Variants in FAM168B observed in about 807,000 individuals in gnomAD.
FAM168B encodes family with sequence similarity 168 member B.
FAM168B carries 19 observed loss-of-function variants against 21.8 expected under a neutral mutation model. The ratio of observed to expected loss-of-function variants is 0.87; its 90% CI spans 0.61 to 1.28. FAM168B has a LOEUF of 1.28. Among genes scored for constraint, FAM168B ranks in the 50% most tolerant of loss-of-function variants. The probability of loss-of-function intolerance (pLI) is 0.00; values close to 1 mark genes in which losing one functional copy is unlikely to be tolerated. For missense variants in FAM168B, 233 were observed against 263.1 expected (o/e 0.89, Z 0.79); for synonymous variants, 126 against 104.8 (o/e 1.20, Z -1.24).
intron 2 of FAM168B, among the ~76,000 whole-genome samples, chr2:131,079,831 A>C (rs1693343109): frequency 6.6e-6 from 1 of 152,130 alleles, no homozygotes. Flanking sequence ...AAAAAAAAAA[A>C]TGTGGCTCGG....
intron 3 of FAM168B, among the ~76,000 whole-genome samples, chr2:131,062,262 A>C (rs1692340913): frequency 6.6e-6 from 1 of 152,186 alleles, no homozygotes; most frequent in Admixed American, 6.5e-5. Flanking sequence ...TCTCTCAGCC[A>C]CAAGTGCTCA....
rs1691707942 is a variant in FAM168B, at chr2:131,051,999, T to C, written c.*466A>G. On this transcript the variant is annotated 3_prime_UTR_variant, in exon 7 of 7. Coordinates refer to ENST00000389915, the MANE Select transcript of FAM168B (RefSeq NM_001009993.4). ...CATCTAAGATATTTCAGATGCTCTA[T>C]GAAGAAATTCACTTTAACACTTATA... 1.0e-6 allele frequency: 1 copy of C among 985,672 alleles called. No individual in the cohort carries two copies. The allele number at this position is 985,672 out of a possible 1,614,324, so 61.1% of individuals were successfully genotyped here. A position where few individuals can be genotyped will look rare whatever the true frequency, so the allele number is the denominator to read the frequency against.
At position 131,048,538 on chromosome 2, in the gene FAM168B, G is replaced by A. The variant is rs1691439180; in HGVS notation, c.*3927C>T. Reference sequence around the variant, plus strand: ...TTCTTCAAATAATGAGTAGGAAAAAGAGACAAACTTTCTGAAACATGCAGT... The same window carrying A: ...TTCTTCAAATAATGAGTAGGAAAAAAAGACAAACTTTCTGAAACATGCAGT... On this transcript the variant is annotated 3_prime_UTR_variant, in exon 7 of 7. Coordinates refer to ENST00000389915, the MANE Select transcript of FAM168B (RefSeq NM_001009993.4). 5.4e-6 allele frequency: 6 copies of A among 1,117,308 alleles called. No homozygotes were observed. The South Asian group carries it at 1.2e-4, about 22-fold the overall frequency. The allele number at this position is 1,117,308 out of a possible 1,614,324, so 69.2% of individuals were successfully genotyped here.
intron 2 of FAM168B, among the ~76,000 whole-genome samples, chr2:131,075,916 CAA>C (rs1693132397): frequency 6.6e-6 from 1 of 152,206 alleles, no homozygotes; most frequent in Non-Finnish European, 1.5e-5. Flanking sequence ...GTATGGGGAT[CAA>C]AGACTCCCAA....
At chr2:131,057,278 C>A (rs953153419) in intron 3 of FAM168B, among the ~76,000 whole-genome samples, 1 of 152,042 alleles carries the variant, frequency 6.6e-6, no homozygotes, top group Non-Finnish European at 1.5e-5. Flanking sequence ...GGAACTAATC[C>A]AAATCTTCAT....
intron 3 of FAM168B, among the ~76,000 whole-genome samples, chr2:131,059,149 C>T (rs911010304): frequency 2.9e-4 from 44 of 152,208 alleles, no homozygotes; most frequent in African/African-American, 8.9e-4. Flanking sequence ...GGGGCCATGC[C>T]CTGTCACAGC....
At chr2:131,066,300 C>T (rs1367860682) in intron 3 of FAM168B, among the ~76,000 whole-genome samples, 2 of 151,928 alleles carry the variant, frequency 1.3e-5, no homozygotes, top group African/African-American at 2.4e-5. Context: ...CTCAACCTCC[C>T]GAGTAGCTGG....
chr2:131,072,393 G>C lies in FAM168B; in HGVS notation c.71-455C>G, dbSNP rs192346134. ...CCCGCCTCGGCCTCCCAAAGTGCTG[G>C]GATTATAGGTGTGAGCCACCACGCC... On this transcript the variant is annotated intron_variant, in intron 2 of 6. Coordinates refer to ENST00000389915, the MANE Select transcript of FAM168B (RefSeq NM_001009993.4). Among the ~76,000 whole-genome samples, 905 of 152,128 alleles carry C rather than the reference G, an allele frequency of 5.9e-3. 10 individuals carry two copies. The highest frequency in any genetic ancestry group is 0.02 in the African/African-American group (836 of 41,502).
chr2:131,086,697 T>G (rs559763682), intron 1 of FAM168B, among the ~76,000 whole-genome samples: 2 of 152,346 alleles, frequency 1.3e-5, no homozygotes, highest in African/African-American at 4.8e-5. Context: ...GCCATCGTAT[T>G]GGACAGTGCA....
At chr2:131,075,643 C>G (rs564127264) in intron 2 of FAM168B, among the ~76,000 whole-genome samples, 3 of 151,992 alleles carry the variant, frequency 2.0e-5, no homozygotes, top group Non-Finnish European at 4.4e-5. Context: ...TACAGGGGCC[C>G]GTGCCCGGCT....
At chr2:131,084,374 TTTTTAAATAGAGATGAG>T (rs1329010309) in intron 1 of FAM168B, among the ~76,000 whole-genome samples, 2 of 151,624 alleles carry the variant, frequency 1.3e-5, no homozygotes, top group East Asian at 1.9e-4. Context: ...TATTTTTTTT[TTTTTAAATAGAGATGAG>T]GTTCCATCAT....
chr2:131,093,365 C>G lies in FAM168B; in HGVS notation c.-163G>C, dbSNP rs1694138165. Reference sequence around the variant, plus strand: ...CCCCGCGTCTCCGCCGCCTCCCGGACGCCGCGCTCCCGCTCGCTCGGCTCC... The same window carrying G: ...CCCCGCGTCTCCGCCGCCTCCCGGAGGCCGCGCTCCCGCTCGCTCGGCTCC... On this transcript the variant is annotated 5_prime_UTR_variant, in exon 1 of 7. Transcript: ENST00000389915. 1 of 150,746 alleles carries G rather than the reference C, an allele frequency of 6.6e-6. No individual in the cohort carries two copies. The highest frequency in any genetic ancestry group is 2.4e-5 in the African/African-American group (1 of 41,316). The allele number at this position is 150,746 out of a possible 1,614,324, so 9.3% of individuals were successfully genotyped here.
In FAM168B at chr2:131,055,145, T is replaced by C. The variant is rs112566983; in HGVS notation, c.475+127A>G. 3.3e-4 allele frequency: 312 copies of C among 944,942 alleles called. 3 individuals carry two copies. In the African/African-American group the frequency reaches 4.6e-3, roughly 14 times the overall value. The allele number at this position is 944,942 out of a possible 1,614,324, so 58.5% of individuals were successfully genotyped here. On this transcript the variant is annotated intron_variant, in intron 5 of 6. Coordinates refer to ENST00000389915, the MANE Select transcript of FAM168B (RefSeq NM_001009993.4). ...AACCTGCTGTTTCTTCCCCAAAGAA[T>C]TTTCTGTCCTTCCACACAACTACAG...
At position 131,049,888 on chromosome 2, in the gene FAM168B, G is replaced by A. The variant is rs990198715; in HGVS notation, c.*2577C>T. On this transcript the variant is annotated 3_prime_UTR_variant, in exon 7 of 7. Coordinates refer to ENST00000389915, the MANE Select transcript of FAM168B (RefSeq NM_001009993.4). The stretch of plus-strand genomic sequence containing the variant: ...AATTGACTTTAATTTTACTAGAAGC[G>A]AATGTTGATAAAATTACAACCTATG... 2.6e-5 allele frequency: 26 copies of A among 985,518 alleles called. No individual in the cohort carries two copies. Among genetic ancestry groups the A allele is most frequent in the Admixed American group, 1.8e-4 (3 of 16,270 alleles). The allele number at this position is 985,518 out of a possible 1,614,324, so 61.0% of individuals were successfully genotyped here. A position where few individuals can be genotyped will look rare whatever the true frequency, so the allele number is the denominator to read the frequency against.
At chr2:131,058,183 G>A (rs988348897) in intron 3 of FAM168B, among the ~76,000 whole-genome samples, 1 of 152,114 alleles carries the variant, frequency 6.6e-6, no homozygotes, top group African/African-American at 2.4e-5. Context: ...AGAATGATTG[G>A]CCCCCTGGGA....
Position 131,052,293 on chromosome 2 carries a change from A to T in FAM168B, c.*172T>A. 1.0e-6 allele frequency: 1 copy of T among 985,984 alleles called. No individual in the cohort carries two copies. Among genetic ancestry groups the T allele is most frequent in the Non-Finnish European group, 1.2e-6 (1 of 830,000 alleles). 61.1% of individuals were successfully genotyped at this position (985,984 alleles called of 1,614,324 possible). On this transcript the variant is annotated 3_prime_UTR_variant, in exon 7 of 7. Transcript: ENST00000389915. ...TGCTTTAAGACCAACCCACAGAGTC[A>T]GCTGGAGACTAACGGCGCTGGGGCC...
chr2:131,071,295 T>C (rs1372510034), intron 3 of FAM168B, among the ~76,000 whole-genome samples: 2 of 152,092 alleles, frequency 1.3e-5, no homozygotes, highest in Non-Finnish European at 2.9e-5. Context: ...AAGCCCCGTG[T>C]GGGTGAAAAA....
At chr2:131,059,990 T>C (rs957275469) in intron 3 of FAM168B, among the ~76,000 whole-genome samples, 1 of 151,836 alleles carries the variant, frequency 6.6e-6, no homozygotes. Flanking sequence ...TATATTCCCA[T>C]GTACTTGTGC....
intron 3 of FAM168B, among the ~76,000 whole-genome samples, chr2:131,061,785 A>G (rs1008316112): frequency 2.6e-5 from 4 of 151,124 alleles, no homozygotes; most frequent in Admixed American, 1.3e-4. Context: ...CTGTCTCGAA[A>G]AAAAAAAAAA....
Sources: gnomAD v4.1 joint callset for allele counts (sites outside exome capture counted in the v4.1 genomes callset) on GRCh38, gnomAD v4.1.1 for gene constraint, MANE v1.5 for transcripts, NCBI Gene and HGNC (gene_info 2026-07-23, HGNC 2026-07-21) for gene names.